Variants in KIAA1217 observed in about 807,000 individuals in gnomAD.
KIAA1217 encodes the protein sickle tail protein homolog.
KIAA1217 carries 88 observed loss-of-function variants against 163.9 expected under a neutral mutation model. The ratio of observed to expected loss-of-function variants is 0.54; its 90% CI spans 0.45 to 0.64. The LOEUF (loss-of-function observed/expected upper bound fraction) is 0.64, where lower values mean the gene tolerates loss of function less well. KIAA1217 is among the 30% of genes least tolerant of loss of function. The probability of loss-of-function intolerance (pLI) is 0.00; values close to 1 mark genes in which losing one functional copy is unlikely to be tolerated. For synonymous variants in KIAA1217, 903 were observed against 923.1 expected, an observed-to-expected ratio of 0.98 and a Z score of 0.39; for missense variants, 2,372 against 2,475.0, an observed-to-expected ratio of 0.96 and a Z score of 0.88.
intron 1 of KIAA1217, among the ~76,000 whole-genome samples, chr10:23,729,083 T>G (rs1171608861): frequency 6.6e-6 from 1 of 152,216 alleles, no homozygotes; most frequent in African/African-American, 2.4e-5. Flanking sequence ...TTTTATCTGC[T>G]CACATGCAGT....
intron 1 of KIAA1217, among the ~76,000 whole-genome samples, chr10:23,949,404 G>GAGAA (rs1844221805): frequency 6.6e-6 from 1 of 152,050 alleles, no homozygotes; most frequent in Admixed American, 6.6e-5. Flanking sequence ...AGTTATTTAT[G>GAGAA]TTATTTAGTT....
At chr10:23,917,105 G>A (rs549225113) in intron 1 of KIAA1217, among the ~76,000 whole-genome samples, 29 of 148,502 alleles carry the variant, frequency 2.0e-4, no homozygotes, top group African/African-American at 2.7e-4. Flanking sequence ...CAACATTTTC[G>A]TGTTTTAACA....
intron 1 of KIAA1217, 39 bp downstream of exon 1, chr10:24,209,302 C>T: frequency 2.0e-6 from 3 of 1,486,196 alleles, no homozygotes; most frequent in Non-Finnish European, 2.8e-6. Context: ...GTTACAGGGA[C>T]GCGTGCCCCT....
intron 1 of KIAA1217, among the ~76,000 whole-genome samples, chr10:23,944,808 C>T (rs531990815): frequency 6.0e-4 from 92 of 152,228 alleles, no homozygotes; most frequent in Admixed American, 1.9e-3. Context: ...TCTGTAATCC[C>T]AGCACTTTGG....
At chr10:24,503,752 TATC>T (rs1257240490) in intron 9 of KIAA1217, among the ~76,000 whole-genome samples, 2 of 152,248 alleles carry the variant, frequency 1.3e-5, no homozygotes, top group South Asian at 4.1e-4. Flanking sequence ...AGAGGGGGCC[TATC>T]GGCTCCCAAG....
At chr10:24,418,088 A>G (rs1342265295) in intron 3 of KIAA1217, among the ~76,000 whole-genome samples, 2 of 151,704 alleles carry the variant, frequency 1.3e-5, no homozygotes, top group Non-Finnish European at 2.9e-5. Flanking sequence ...CTGGGACTAC[A>G]GGCATCTGCC....
At chr10:24,489,707 C>T (rs1446639249) in intron 6 of KIAA1217, among the ~76,000 whole-genome samples, 1 of 151,568 alleles carries the variant, frequency 6.6e-6, no homozygotes, top group Non-Finnish European at 1.5e-5. Context: ...ACTAAAAATA[C>T]AAAAGAATTA....
At chr10:24,354,828 CA>C (rs1346479220) in intron 2 of KIAA1217, among the ~76,000 whole-genome samples, 1 of 140,468 alleles carries the variant, frequency 7.1e-6, no homozygotes, top group African/African-American at 3.0e-5. Context: ...GGAGGCATGG[CA>C]GACCAAAAGG....
In KIAA1217 at chr10:24,545,910, T is replaced by G; in HGVS notation, c.5418T>G (p.Ser1806=). ...CTGCTTCTAAGATTCCAGCCCTTTC[T>G]CCCAGCTCTGGGAAAAGCAGTTCTC... ...SLPASKIPAL[S]PSSGKSSSLP... The change falls in exon 21 of 21, where the codon TCT becomes TCG. Residue 1806 remains serine (S), a synonymous_variant. Transcript: ENST00000376454. 6.2e-7 allele frequency: 1 copy of G among 1,614,136 alleles called. No individual in the cohort carries two copies. Among genetic ancestry groups the G allele is most frequent in the South Asian group, 1.1e-5 (1 of 91,070 alleles).
At chr10:24,540,917 CGCCACCGT>C (rs2074954341) in intron 17 of KIAA1217, among the ~76,000 whole-genome samples, 1 of 151,246 alleles carries the variant, frequency 6.6e-6, no homozygotes, top group Admixed American at 6.6e-5. Context: ...TACAGGCACC[CGCCACCGT>C]GCCCAGCTAA....
chr10:24,546,426 T>C lies in KIAA1217; in HGVS notation c.*102T>C. 8.4e-7 allele frequency: 1 copy of C among 1,196,878 alleles called. No homozygotes were observed. The highest frequency in any genetic ancestry group is 1.2e-6 in the Non-Finnish European group (1 of 863,152). 74.1% of individuals were successfully genotyped at this position (1,196,878 alleles called of 1,614,324 possible). A position where few individuals can be genotyped will look rare whatever the true frequency, so the allele number is the denominator to read the frequency against. ...AGAATGTAACATATTGCTGTATCGT[T>C]TGAGGCTTAATGCTAAATATGTGCT... On this transcript the variant is annotated 3_prime_UTR_variant, in exon 21 of 21. Transcript: ENST00000376454.
chr10:24,404,497 G>T (rs2056962733), intron 3 of KIAA1217, among the ~76,000 whole-genome samples: 1 of 148,830 alleles, frequency 6.7e-6, no homozygotes, highest in African/African-American at 2.5e-5. Context: ...AACCCGGGAG[G>T]CAGAGGTTGC....
intron 1 of KIAA1217, among the ~76,000 whole-genome samples, chr10:23,896,349 G>T (rs533619183): frequency 1.3e-5 from 2 of 151,910 alleles, no homozygotes; most frequent in African/African-American, 4.8e-5. Flanking sequence ...ACTTCTATTG[G>T]CATTCACGCA....
chr10:23,848,989 A>G (rs183258287), intron 1 of KIAA1217, among the ~76,000 whole-genome samples: 11 of 152,170 alleles, frequency 7.2e-5, no homozygotes, highest in Admixed American at 7.2e-4. Flanking sequence ...TAGTGCAGAA[A>G]TTGTGTCTAT....
intron 3 of KIAA1217, among the ~76,000 whole-genome samples, chr10:24,418,601 T>G (rs904342676): frequency 6.6e-6 from 1 of 152,168 alleles, no homozygotes; most frequent in African/African-American, 2.4e-5. Context: ...TACCAATACT[T>G]TAGCACACAA....
intron 6 of KIAA1217, among the ~76,000 whole-genome samples, chr10:24,479,762 T>A (rs1217107032): frequency 6.6e-6 from 1 of 152,016 alleles, no homozygotes; most frequent in Non-Finnish European, 1.5e-5. Context: ...GCAGAGAAGG[T>A]CAAGGGAGAA....
intron 1 of KIAA1217, among the ~76,000 whole-genome samples, chr10:23,776,842 G>A (rs1025320138): frequency 3.3e-5 from 5 of 151,740 alleles, no homozygotes; most frequent in Non-Finnish European, 7.4e-5. Context: ...CACCACACCC[G>A]GCTAATTTTT....
At chr10:24,387,724 A>G (rs538334142) in intron 3 of KIAA1217, among the ~76,000 whole-genome samples, 2 of 152,204 alleles carry the variant, frequency 1.3e-5, no homozygotes, top group Non-Finnish European at 2.9e-5. Flanking sequence ...TACAAAATCA[A>G]TGTGCAAAAA....
At chr10:23,783,502 G>C (rs1835353032) in intron 1 of KIAA1217, among the ~76,000 whole-genome samples, 1 of 152,108 alleles carries the variant, frequency 6.6e-6, no homozygotes, top group East Asian at 1.9e-4. Context: ...ATATTTATAA[G>C]AGATATTGAC....
Sources: gnomAD v4.1 joint callset for allele counts (sites outside exome capture counted in the v4.1 genomes callset) on GRCh38, gnomAD v4.1.1 for gene constraint, MANE v1.5 for transcripts, NCBI Gene and HGNC (gene_info 2026-07-23, HGNC 2026-07-21) for gene names.